The following NEMP2 variants were observed in gnomAD, a reference collection of about 807,000 sequenced individuals.
The protein encoded by NEMP2 is UPF0571 transmembrane protein.
NEMP2 carries 53 observed loss-of-function variants against 54.2 expected under a neutral mutation model. That is an observed-to-expected ratio of 0.98 (90% CI 0.78 to 1.23). The LOEUF is 1.23. Among genes scored for constraint, NEMP2 ranks in the 50% most tolerant of loss-of-function variants. The pLI is 0.00. For synonymous variants in NEMP2, 197 were observed against 190.3 expected, an observed-to-expected ratio of 1.04 and a Z score of -0.29; for missense variants, 455 against 511.3, an observed-to-expected ratio of 0.89 and a Z score of 1.06.
the NEMP2 span, among the ~76,000 whole-genome samples, chr2:190,618,734 C>T: frequency 3.9e-5 from 6 of 152,252 alleles, no homozygotes; most frequent in South Asian, 1.2e-3. Flanking sequence ...CACGTTTCAC[C>T]AAGCCCAAGT....
the NEMP2 span, among the ~76,000 whole-genome samples, chr2:190,460,402 C>T: frequency 1.3e-5 from 2 of 152,164 alleles, no homozygotes; most frequent in Non-Finnish European, 1.5e-5. Flanking sequence ...ATCATACATA[C>T]ACTCGCGTAT....
At chr2:190,549,677 T>A in the NEMP2 span, among the ~76,000 whole-genome samples, 1 of 152,198 alleles carries the variant, frequency 6.6e-6, no homozygotes, top group Non-Finnish European at 1.5e-5. Flanking sequence ...AATAGGATTC[T>A]CTTCAAGTTG....
At chr2:190,570,436 C>T in the NEMP2 span, among the ~76,000 whole-genome samples, 1 of 152,134 alleles carries the variant, frequency 6.6e-6, no homozygotes, top group Non-Finnish European at 1.5e-5. The surrounding 1 kb of genome is among the most constrained non-coding windows in gnomAD (Gnocchi z 5.4). Flanking sequence ...AGAAAGCCAG[C>T]CCAAGGGTAG....
At chr2:190,537,909 G>C (rs1691429696), upstream of NEMP2, among the ~76,000 whole-genome samples, 1 of 152,140 alleles carries the variant, frequency 6.6e-6, no homozygotes, top group Non-Finnish European at 1.5e-5. Flanking sequence ...AGTATCATGG[G>C]CTGCACCTAG....
Position 190,507,668 on chromosome 2 carries a change from G to T in NEMP2, c.*1521C>A, listed in dbSNP as rs200198445. On this transcript the variant is annotated 3_prime_UTR_variant, in exon 9 of 9. Transcript: ENST00000409150. The surrounding 1 kb of genome is among the most constrained non-coding windows in gnomAD (Gnocchi z 4.4). The stretch of plus-strand genomic sequence containing the variant: ...TTTAGTGGATATTACAAAAAAAAAA[G>T]TTCCCAGTATGAAAAGATGTCTGGC... The T allele has an allele frequency of 1.3e-5, 2 of 151,468 alleles. No individual in the cohort carries two copies. Among genetic ancestry groups the T allele is most frequent in the East Asian group, 1.9e-4 (1 of 5,182 alleles). 9.4% of individuals were successfully genotyped at this position (151,468 alleles called of 1,614,324 possible).
intron 1 of NEMP2, among the ~76,000 whole-genome samples, chr2:190,526,912 A>G (rs575109762): frequency 6.6e-6 from 1 of 152,264 alleles, no homozygotes; most frequent in Admixed American, 6.5e-5. Flanking sequence ...AGAAAGAGAG[A>G]TATATATTAA....
the NEMP2 span, among the ~76,000 whole-genome samples, chr2:190,606,066 G>A: frequency 6.6e-6 from 1 of 152,202 alleles, no homozygotes; most frequent in Non-Finnish European, 1.5e-5. Flanking sequence ...GTTTCACAGT[G>A]TCCACCTTCC....
At chr2:190,542,571 T>G in the NEMP2 span, among the ~76,000 whole-genome samples, 1 of 152,118 alleles carries the variant, frequency 6.6e-6, no homozygotes, top group African/African-American at 2.4e-5. This position sits in a 1 kb window ranked among gnomAD's most constrained non-coding sequence, Gnocchi z 4.6. Flanking sequence ...CTTTTCATTG[T>G]TTTTTTACTT....
the NEMP2 span, chr2:190,616,953 A>G: frequency 1.3e-5 from 2 of 152,010 alleles, no homozygotes; most frequent in Admixed American, 1.3e-4. The surrounding 1 kb of genome is among the most constrained non-coding windows in gnomAD (Gnocchi z 5.1). Flanking sequence ...TACTAAAATT[A>G]AAAAGAAAAA....
At chr2:190,472,806 G>A in the NEMP2 span, among the ~76,000 whole-genome samples, 1 of 152,178 alleles carries the variant, frequency 6.6e-6, no homozygotes, top group Non-Finnish European at 1.5e-5. Flanking sequence ...AAGTTGAAAT[G>A]AAGGAAAAAA....
In NEMP2 at chr2:190,525,228, T is replaced by C; in HGVS notation, c.213+35A>G. The C allele has an allele frequency of 8.6e-7, 1 of 1,163,128 alleles. No homozygotes were observed. Among genetic ancestry groups the C allele is most frequent in the Non-Finnish European group, 1.2e-6 (1 of 801,240 alleles). The allele number at this position is 1,163,128 out of a possible 1,614,324, so 72.1% of individuals were successfully genotyped here. A position where few individuals can be genotyped will look rare whatever the true frequency, so the allele number is the denominator to read the frequency against. On this transcript the variant is annotated intron_variant, in intron 2 of 8. Transcript: ENST00000409150. The surrounding 1 kb of genome is among the most constrained non-coding windows in gnomAD (Gnocchi z 5.0). ...CTGTCCCCAGGACATGGTAATTCTC[T>C]GTCCCTAAGACATGAGTTAAAAGTA...
chr2:190,527,854 A>G lies in NEMP2; in HGVS notation c.98-2476T>C, dbSNP rs1362777548. 6.6e-6 allele frequency among the ~76,000 whole-genome samples: 1 copy of G among 152,142 alleles called. No homozygotes were observed. Among genetic ancestry groups the G allele is most frequent in the Non-Finnish European group, 1.5e-5 (1 of 68,022 alleles). ...TAGGGATCTAGGTTGCATGCTTGTT[A>G]TGATAATCTAACTAATGCCTGATGA... On this transcript the variant is annotated intron_variant, in intron 1 of 8. Coordinates refer to ENST00000409150, the MANE Select transcript of NEMP2 (RefSeq NM_001142645.2). The surrounding 1 kb of genome is among the most constrained non-coding windows in gnomAD (Gnocchi z 4.0).
the NEMP2 span, among the ~76,000 whole-genome samples, chr2:190,604,138 A>G: frequency 2.0e-5 from 3 of 152,208 alleles, no homozygotes; most frequent in South Asian, 4.1e-4. This position sits in a 1 kb window ranked among gnomAD's most constrained non-coding sequence, Gnocchi z 4.5. Context: ...GTGTCCATCG[A>G]TAGGTGCCTC....
the NEMP2 span, among the ~76,000 whole-genome samples, chr2:190,486,591 T>A: frequency 6.6e-6 from 1 of 152,220 alleles, no homozygotes; most frequent in Non-Finnish European, 1.5e-5. Flanking sequence ...GTTGCTGATG[T>A]CCCTCAGGAA....
rs1690390174 is a variant in NEMP2 at position 190,512,185 on chromosome 2, C to A, written c.954-1648G>T. Among the ~76,000 whole-genome samples, 1 of 152,092 alleles carries A rather than the reference C, an allele frequency of 6.6e-6. No individual in the cohort carries two copies. The highest frequency in any genetic ancestry group is 1.5e-5 in the Non-Finnish European group (1 of 68,016). Reference sequence around the variant, plus strand: ...TAGTCCTGGCTTTGAGATTTATTCACTATATGAACTTGGGGAATTCCTTAA... The same window carrying A: ...TAGTCCTGGCTTTGAGATTTATTCAATATATGAACTTGGGGAATTCCTTAA... On this transcript the variant is annotated intron_variant, in intron 7 of 8. Coordinates refer to ENST00000409150, the MANE Select transcript of NEMP2 (RefSeq NM_001142645.2). This position sits in a 1 kb window ranked among gnomAD's most constrained non-coding sequence, Gnocchi z 4.5.
chr2:190,628,347 T>C, the NEMP2 span: 2 of 151,544 alleles, frequency 1.3e-5, no homozygotes, highest in African/African-American at 4.9e-5. This position sits in a 1 kb window ranked among gnomAD's most constrained non-coding sequence, Gnocchi z 4.1. Context: ...CAGAGAGGGG[T>C]CTGATGGAGG....
the NEMP2 span, among the ~76,000 whole-genome samples, chr2:190,598,444 T>G: frequency 6.6e-6 from 1 of 152,236 alleles, no homozygotes; most frequent in Non-Finnish European, 1.5e-5. Context: ...AACTTATAAT[T>G]GCTTTTCTAC....
the NEMP2 span, among the ~76,000 whole-genome samples, chr2:190,557,536 A>G: frequency 7.2e-5 from 11 of 152,366 alleles, no homozygotes; most frequent in South Asian, 2.1e-4. Flanking sequence ...GTGAACAGGC[A>G]ACATACAAAA....
At chr2:190,636,809 C>A in the NEMP2 span, among the ~76,000 whole-genome samples, 1 of 152,338 alleles carries the variant, frequency 6.6e-6, no homozygotes, top group Non-Finnish European at 1.5e-5. Flanking sequence ...CTCTTAAAAA[C>A]ACAAAAGGAA....
Sources: allele counts gnomAD v4.1 joint callset (sites outside exome capture counted in the v4.1 genomes callset), GRCh38; gene constraint gnomAD v4.1.1; non-coding constraint Gnocchi (gnomAD v3.1); transcripts MANE v1.5; gene names NCBI Gene and HGNC (gene_info 2026-07-23, HGNC 2026-07-21).